Variants in CAPS2 observed in about 807,000 individuals in gnomAD.
CAPS2 encodes the protein calcyphosin-2.
A neutral mutation model predicts 86.5 loss-of-function variants in CAPS2; 98 were observed. The ratio of observed to expected loss-of-function variants is 1.13; its 90% confidence interval spans 0.96 to 1.34. The LOEUF (loss-of-function observed/expected upper bound fraction) is 1.34, where lower values mean the gene tolerates loss of function less well. Ranked by LOEUF, CAPS2 falls within the 40% of genes most tolerant of loss-of-function variation. The probability of loss-of-function intolerance (pLI) is 0.00; values close to 1 mark genes in which losing one functional copy is unlikely to be tolerated. For missense variants in CAPS2, 729 were observed against 686.8 expected (o/e 1.06, Z -0.69); for synonymous variants, 210 against 225.1 (o/e 0.93, Z 0.60).
At chr12:75,380,192 A>G (rs2044882568) in intron 1 of CAPS2, among the ~76,000 whole-genome samples, 1 of 152,204 alleles carries the variant, frequency 6.6e-6, no homozygotes, top group Non-Finnish European at 1.5e-5. Flanking sequence ...ATTTGCTTGC[A>G]TTTGTATCTT....
At chr12:75,292,952 A>C (rs909113365) in intron 12 of CAPS2, among the ~76,000 whole-genome samples, 14 of 151,532 alleles carry the variant, frequency 9.2e-5, no homozygotes, top group Non-Finnish European at 1.9e-4. Flanking sequence ...TTTTAAATTT[A>C]TTTCTTTTGG....
intron 7 of CAPS2, among the ~76,000 whole-genome samples, chr12:75,307,089 C>G (rs1390823722): frequency 6.6e-6 from 1 of 152,094 alleles, no homozygotes; most frequent in Non-Finnish European, 1.5e-5. Flanking sequence ...ACAGACTCTG[C>G]AACTAGACTG....
At chr12:75,284,060 T>C (rs2034454109) in intron 15 of CAPS2, among the ~76,000 whole-genome samples, 1 of 152,166 alleles carries the variant, frequency 6.6e-6, no homozygotes, top group African/African-American at 2.4e-5. Flanking sequence ...CAGAACTGTA[T>C]AACACTTCTC....
chr12:75,390,427 G>C (rs577494116), intron 1 of CAPS2: 4 of 455,924 alleles, frequency 8.8e-6, no homozygotes, highest in African/African-American at 4.0e-5. Flanking sequence ...GAAGAGTTTG[G>C]TGATCCCTAC....
intron 7 of CAPS2, among the ~76,000 whole-genome samples, chr12:75,312,367 T>C (rs2039325262): frequency 6.6e-6 from 1 of 152,184 alleles, no homozygotes. Flanking sequence ...ACTCCTTCAA[T>C]GATGTTACAT....
At chr12:75,323,193 A>G in exon 3 of CAPS2, 1 of 1,544,152 alleles carries the variant, frequency 6.5e-7, no homozygotes. Context: ...ATCAGAGTCA[A>G]CAAGGCTTCC....
chr12:75,343,788 T>A, intron 1 of CAPS2: 1 of 1,612,974 alleles, frequency 6.2e-7, no homozygotes, highest in Non-Finnish European at 8.5e-7. Context: ...ATAAATGCTA[T>A]GCAGCTTTTG....
chr12:75,362,984 A>G, intron 1 of CAPS2: 1 of 530,106 alleles, frequency 1.9e-6, no homozygotes, highest in Non-Finnish European at 3.4e-6. Context: ...AGACATTATT[A>G]TTTTTCATTT....
intron 2 of CAPS2, among the ~76,000 whole-genome samples, chr12:75,324,553 C>T (rs1490419842): frequency 6.6e-6 from 1 of 152,050 alleles, no homozygotes; most frequent in Non-Finnish European, 1.5e-5. Flanking sequence ...GTGCTTGCAC[C>T]TAACTCTATT....
chr12:75,337,278 G>T (rs957551589), intron 1 of CAPS2, among the ~76,000 whole-genome samples: 14 of 151,444 alleles, frequency 9.2e-5, no homozygotes, highest in Admixed American at 6.6e-4. Context: ...GAAAGTAAAA[G>T]TATGAGGACT....
At chr12:75,371,553 G>T in intron 1 of CAPS2, 1 of 248,804 alleles carries the variant, frequency 4.0e-6, no homozygotes. Flanking sequence ...CACATCTCCT[G>T]AAATCATATA....
In CAPS2 at chr12:75,284,972, A is replaced by G. The variant is rs770596009; in HGVS notation, c.1504T>C (p.Tyr502His). The G allele has an allele frequency of 1.6e-5, 26 of 1,602,292 alleles. No individual in the cohort carries two copies. In the South Asian group the frequency reaches 2.0e-4, roughly 12 times the overall value. The change falls in exon 15 of 17, where the codon TAT (tyrosine) becomes CAT (histidine). Residue 502 changes from tyrosine to histidine, a missense_variant. By Grantham distance (83) the Tyr-to-His change is moderately conservative (BLOSUM62 2). Coordinates refer to ENST00000393284, the Ensembl canonical transcript of CAPS2. ...CTTAACAAAGTTACCTTTCGAACATATGATTTCCTGTATTCATTCATTTCA... is the reference window on the plus strand; with the variant it reads ...CTTAACAAAGTTACCTTTCGAACATGTGATTTCCTGTATTCATTCATTTCA...
intron 7 of CAPS2, chr12:75,305,664 C>A (rs536242622): frequency 1.5e-5 from 10 of 647,012 alleles, no homozygotes; most frequent in Non-Finnish European, 2.6e-5. Context: ...CACCAGGCCC[C>A]TAGCACTGCC....
At chr12:75,306,220 C>A (rs2038476261) in intron 7 of CAPS2, 4 of 677,530 alleles carry the variant, frequency 5.9e-6, no homozygotes, top group African/African-American at 1.8e-5. Context: ...CCCGGGCCAG[C>A]CGCGAAATTA....
intron 1 of CAPS2, chr12:75,343,761 CTGTT>C (rs1447677291): frequency 1.2e-6 from 2 of 1,612,346 alleles, no homozygotes; most frequent in Non-Finnish European, 1.7e-6. Context: ...AACATAATGA[CTGTT>C]TGGATAAATC....
intron 1 of CAPS2, chr12:75,365,236 T>C (rs1337635817): frequency 2.6e-5 from 4 of 152,138 alleles, no homozygotes; most frequent in Non-Finnish European, 5.9e-5. Flanking sequence ...TCATCTGTTG[T>C]CTTCAGAATG....
intron 13 of CAPS2, among the ~76,000 whole-genome samples, 171 bp downstream of exon 13, chr12:75,291,567 GTATATA>G (rs66622366): frequency 0.082 from 2,252 of 27,558 alleles, 59 homozygotes; most frequent in Non-Finnish European, 0.1. Context: ...ATTTTTAAAA[GTATATA>G]TATATATATA....
intron 1 of CAPS2, among the ~76,000 whole-genome samples, chr12:75,358,889 A>G (rs1043144218): frequency 7.0e-6 from 1 of 143,842 alleles, no homozygotes; most frequent in African/African-American, 2.5e-5. Flanking sequence ...AATTATATAT[A>G]TTACATATAA....
upstream of CAPS2, among the ~76,000 whole-genome samples, chr12:75,331,784 C>T (rs1322287039): frequency 2.6e-5 from 4 of 151,904 alleles, no homozygotes; most frequent in African/African-American, 9.7e-5. Context: ...GGGATGGTCT[C>T]GATCTCCTGA....
Sources: allele counts gnomAD v4.1 joint callset (sites outside exome capture counted in the v4.1 genomes callset), GRCh38; gene constraint gnomAD v4.1.1; transcripts MANE v1.5; gene names NCBI Gene and HGNC (gene_info 2026-07-23, HGNC 2026-07-21).